The following NAALADL2 variants were observed in gnomAD, a reference collection of about 807,000 sequenced individuals.
The protein encoded by NAALADL2 is inactive N-acetylated-alpha-linked acidic dipeptidase-like protein 2.
In NAALADL2, 76 loss-of-function variants were observed where a neutral mutation model predicts 87.2. That is an observed-to-expected ratio of 0.87 (90% CI 0.72 to 1.05). The LOEUF is 1.05. Ranked by LOEUF, NAALADL2 falls within the 50% of genes least tolerant of loss-of-function variation. The probability of loss-of-function intolerance (pLI) is 0.00; values close to 1 mark genes in which losing one functional copy is unlikely to be tolerated. For missense variants in NAALADL2, 1,089 were observed against 945.8 expected, an observed-to-expected ratio of 1.15 and a Z score of -1.99; for synonymous variants, 354 against 331.0, an observed-to-expected ratio of 1.07 and a Z score of -0.75.
intron 1 of NAALADL2, among the ~76,000 whole-genome samples, chr3:174,543,374 T>C (rs1398374440): frequency 2.6e-5 from 4 of 152,326 alleles, no homozygotes; most frequent in African/African-American, 9.6e-5. Context: ...TATATTTCAC[T>C]GATACTTATT....
intron 2 of NAALADL2, among the ~76,000 whole-genome samples, chr3:174,730,706 C>G (rs1284553987): frequency 5.9e-5 from 9 of 151,904 alleles, no homozygotes; most frequent in South Asian, 4.1e-4. Context: ...TGTAGAGACT[C>G]TTCAATAGGT....
chr3:175,024,470 G>A (rs1380506543), intron 1 of NAALADL2, among the ~76,000 whole-genome samples: 1 of 152,054 alleles, frequency 6.6e-6, no homozygotes, highest in Admixed American at 6.6e-5. Flanking sequence ...TACCTGCTAG[G>A]TGGATGATAT....
At chr3:175,479,541 A>T (rs539852989) in intron 9 of NAALADL2, among the ~76,000 whole-genome samples, 1 of 151,946 alleles carries the variant, frequency 6.6e-6, no homozygotes, top group South Asian at 2.1e-4. Context: ...AAATTCTACA[A>T]AAACGAAGTT....
intron 4 of NAALADL2, among the ~76,000 whole-genome samples, chr3:175,317,737 G>A (rs1240163434): frequency 6.6e-6 from 1 of 152,120 alleles, no homozygotes; most frequent in Non-Finnish European, 1.5e-5. Context: ...AACTTGACTT[G>A]TAATTAAAAT....
At chr3:174,478,449 T>C (rs1000417836) in intron 1 of NAALADL2, among the ~76,000 whole-genome samples, 14 of 152,218 alleles carry the variant, frequency 9.2e-5, no homozygotes, top group African/African-American at 3.4e-4. Flanking sequence ...ATGTTTATGA[T>C]ATAACTTGTT....
intron 5 of NAALADL2, among the ~76,000 whole-genome samples, chr3:175,343,678 C>CTTTTTTTTTTTTTTTTTTTTTTTA (rs1581505068): frequency 2.0e-5 from 1 of 49,148 alleles, no homozygotes; most frequent in Non-Finnish European, 4.1e-5. Context: ...TTTTTTTTTC[C>CTTTTTTTTTTTTTTTTTTTTTTTA]CTTCCCACTG....
chr3:174,794,123 C>A lies in NAALADL2; in HGVS notation c.-9+56377C>A, dbSNP rs367556365. Among the ~76,000 whole-genome samples the A allele has an allele frequency of 2.7e-4, 41 of 152,022 alleles. No homozygotes were observed. In the East Asian group the frequency reaches 7.4e-3, roughly 27 times the overall value. ...TTTTTAGTAGTTATGGAATTATTTT[C>A]TTTATTTTCAAAGTAAAATGTATGG... On this transcript the variant is annotated intron_variant, in intron 3 of 3. Transcript: ENST00000434257.
intron 9 of NAALADL2, among the ~76,000 whole-genome samples, chr3:175,567,718 CTT>C (rs536353071): frequency 1.4e-4 from 20 of 138,098 alleles, no homozygotes; most frequent in Admixed American, 2.9e-4. Context: ...TTTTTCTTTT[CTT>C]TTTTTTTTTT....
chr3:175,040,047 A>G (rs1047747648), intron 1 of NAALADL2, among the ~76,000 whole-genome samples: 64 of 152,318 alleles, frequency 4.2e-4, no homozygotes, highest in African/African-American at 1.4e-3. Context: ...ACACACGCAT[A>G]CACTCAACCC....
chr3:175,708,175 GAAGT>G (rs1208279783), intron 11 of NAALADL2, among the ~76,000 whole-genome samples: 1 of 152,070 alleles, frequency 6.6e-6, no homozygotes, highest in East Asian at 1.9e-4. Context: ...TAACGCTAGA[GAAGT>G]AAGAAGCCAT....
chr3:174,706,398 A>C (rs1365329695), intron 2 of NAALADL2, among the ~76,000 whole-genome samples: 1 of 152,222 alleles, frequency 6.6e-6, no homozygotes, highest in Non-Finnish European at 1.5e-5. Context: ...TGGGATCTAC[A>C]GTGGTTTCCT....
chr3:174,779,727 A>G (rs2687770), intron 3 of NAALADL2, among the ~76,000 whole-genome samples: 45,820 of 152,030 alleles, frequency 0.3, 6,942 homozygotes, highest in Middle Eastern at 0.37. Flanking sequence ...TATTAAATAG[A>G]AAATCCTTTC....
intron 13 of NAALADL2, among the ~76,000 whole-genome samples, chr3:175,768,948 C>A (rs1749114562): frequency 6.6e-6 from 1 of 151,368 alleles, no homozygotes; most frequent in Non-Finnish European, 1.5e-5. Context: ...TATTGTGAAC[C>A]AAAAGAGAAG....
chr3:175,809,283 TAAAC>T lies in NAALADL2; in HGVS notation c.*6083_*6086del, dbSNP rs1241418821. 2 of 151,918 alleles carry T rather than the reference TAAAC, an allele frequency of 1.3e-5. No individual in the cohort carries two copies. Among genetic ancestry groups the T allele is most frequent in the African/African-American group, 4.8e-5 (2 of 41,404 alleles). The allele number at this position is 151,918 out of a possible 1,614,324, so 9.4% of individuals were successfully genotyped here. ...ACATAATTATATTCCAAAGGTGTTA[TAAAC>T]AATTCTATTTAGCATCTGAGATAGG... On this transcript the variant is annotated 3_prime_UTR_variant, in exon 14 of 14. Coordinates refer to ENST00000454872, the MANE Select transcript of NAALADL2 (RefSeq NM_207015.3).
intron 11 of NAALADL2, among the ~76,000 whole-genome samples, chr3:175,680,456 A>G (rs1318095403): frequency 3.3e-5 from 5 of 152,224 alleles, no homozygotes; most frequent in Non-Finnish European, 5.9e-5. Context: ...CAAGTAAATG[A>G]TAATAGAGAT....
chr3:174,877,106 C>T (rs1424049058), intron 1 of NAALADL2, among the ~76,000 whole-genome samples: 1 of 152,066 alleles, frequency 6.6e-6, no homozygotes, highest in African/African-American at 2.4e-5. Flanking sequence ...CCTTAAATAC[C>T]ATCACATTTA....
Position 174,778,099 on chromosome 3 carries a change from A to G in NAALADL2, c.-9+40353A>G, listed in dbSNP as rs540092071. On this transcript the variant is annotated intron_variant, in intron 3 of 3. Transcript: ENST00000434257. ...CTGGTATTATGCTAGATACTATGCT[A>G]TGTCCCAAGTAGAGAGACATTCTAG... Among the ~76,000 whole-genome samples the G allele has an allele frequency of 2.0e-5, 3 of 152,208 alleles. No individual in the cohort carries two copies. The South Asian group carries it at 6.2e-4, about 32-fold the overall frequency.
intron 3 of NAALADL2, among the ~76,000 whole-genome samples, chr3:174,798,521 A>G (rs1718412735): frequency 6.6e-6 from 1 of 152,192 alleles, no homozygotes; most frequent in South Asian, 2.1e-4. Flanking sequence ...TAATTTGAAG[A>G]GTATTGCCAT....
chr3:174,587,773 G>T (rs1287883223), intron 2 of NAALADL2, among the ~76,000 whole-genome samples: 1 of 152,106 alleles, frequency 6.6e-6, no homozygotes, highest in East Asian at 1.9e-4. Context: ...TTCCCTTTGT[G>T]GGTAACCTGT....
Sources: allele counts gnomAD v4.1 joint callset (sites outside exome capture counted in the v4.1 genomes callset), GRCh38; gene constraint gnomAD v4.1.1; transcripts MANE v1.5; gene names NCBI Gene and HGNC (gene_info 2026-07-23, HGNC 2026-07-21).